Variants in PTPN11 observed in about 807,000 individuals in gnomAD.
PTPN11 encodes tyrosine-protein phosphatase non-receptor type 11.
Under a neutral mutation model 78.8 loss-of-function variants are expected in PTPN11, and 6 were observed. The observed-to-expected ratio is 0.08, with a 90% CI of 0.04 to 0.15. The LOEUF (loss-of-function observed/expected upper bound fraction) is 0.15. Ranked by LOEUF, PTPN11 falls within the 10% of genes least tolerant of loss-of-function variation. The pLI is 1.00. For missense variants in PTPN11, 386 were observed against 744.8 expected (o/e 0.52, Z 5.61); for synonymous variants, 221 against 263.5 (o/e 0.84, Z 1.56).
chr12:112,433,115 C>G (rs568933385), intron 1 of PTPN11, among the ~76,000 whole-genome samples: 2 of 152,292 alleles, frequency 1.3e-5, no homozygotes, highest in African/African-American at 4.8e-5. Flanking sequence ...CCTGCCTCAG[C>G]CTCCCAAAGT....
intron 2 of PTPN11, 99 bp from the exon 3 acceptor site, chr12:112,450,219 C>G (rs1051510206): frequency 1.0e-5 from 12 of 1,157,772 alleles, no homozygotes; most frequent in Non-Finnish European, 1.6e-5. Context: ...GGGTTTCTTT[C>G]AACACTTAGG....
intron 6 of PTPN11, among the ~76,000 whole-genome samples, chr12:112,466,237 A>G (rs1482883797): frequency 6.6e-6 from 1 of 152,248 alleles, no homozygotes; most frequent in Non-Finnish European, 1.5e-5. Flanking sequence ...GCATTTGAAC[A>G]AAGCTCTGAA....
rs397507510 is a variant in PTPN11 at position 112,450,361 on chromosome 12, G to A, written c.181G>A (p.Asp61Asn). 6.2e-7 allele frequency: 1 copy of A among 1,613,262 alleles called. No homozygotes were observed. The highest frequency in any genetic ancestry group is 8.5e-7 in the Non-Finnish European group (1 of 1,179,242). The change falls in exon 3 of 16, where the codon GAT becomes AAT. Residue 61 changes from aspartate (D) to asparagine (N), a missense_variant. By Grantham distance (23) the Asp-to-Asn change is conservative. This residue lies in a region of PTPN11 where 279 missense variants were observed against 503.3 expected (regional missense o/e 0.55). Coordinates refer to ENST00000351677, the MANE Select transcript of PTPN11 (RefSeq NM_002834.5). The stretch of plus-strand genomic sequence containing the variant: ...CCACATCAAGATTCAGAACACTGGT[G>A]ATTACTATGACCTGTATGGAGGGGA... Reference protein sequence around the residue: ...VTHIKIQNTGDYYDLYGGEKF... With the variant: ...VTHIKIQNTGNYYDLYGGEKF...
Position 112,506,118 on chromosome 12 carries a change from G to T in PTPN11, c.*326G>T, listed in dbSNP as rs1566194255. 1 of 152,038 alleles carries T rather than the reference G, an allele frequency of 6.6e-6. No individual in the cohort carries two copies. The highest frequency in any genetic ancestry group is 1.5e-5 in the Non-Finnish European group (1 of 67,998). 9.4% of individuals were successfully genotyped at this position (152,038 alleles called of 1,614,324 possible). A position where few individuals can be genotyped will look rare whatever the true frequency, so the allele number is the denominator to read the frequency against. On this transcript the variant is annotated 3_prime_UTR_variant, in exon 16 of 16. Transcript: ENST00000351677. ...GTGCGCTGTATTTTGCAGATTATGGGGATTCAAATTCTAGTAATAGGCTTT... is the reference window on the plus strand; with the variant it reads ...GTGCGCTGTATTTTGCAGATTATGGTGATTCAAATTCTAGTAATAGGCTTT...
intron 3 of PTPN11, among the ~76,000 whole-genome samples, chr12:112,451,086 GCTTGA>G (rs1191430815): frequency 6.6e-6 from 1 of 152,184 alleles, no homozygotes; most frequent in African/African-American, 2.4e-5. Flanking sequence ...GAAAGCATGG[GCTTGA>G]CTTATTTATT....
intron 9 of PTPN11, among the ~76,000 whole-genome samples, chr12:112,481,019 G>A (rs1031916168): frequency 2.0e-5 from 3 of 152,198 alleles, no homozygotes; most frequent in Admixed American, 6.5e-5. Flanking sequence ...GCCTGCTCTT[G>A]AAGCCAGCAG....
intron 1 of PTPN11, among the ~76,000 whole-genome samples, chr12:112,421,960 C>T (rs1328765377): frequency 2.6e-5 from 4 of 152,080 alleles, no homozygotes; most frequent in Non-Finnish European, 5.9e-5. Context: ...TTAATTCATT[C>T]AACAGGAAGT....
intron 1 of PTPN11, among the ~76,000 whole-genome samples, chr12:112,437,229 C>T (rs1326797527): frequency 6.6e-6 from 1 of 152,156 alleles, no homozygotes; most frequent in Non-Finnish European, 1.5e-5. Context: ...TGGCTCACTG[C>T]AGCCTCTGCC....
intron 1 of PTPN11, among the ~76,000 whole-genome samples, chr12:112,424,956 TTG>T (rs34463047): frequency 0.27 from 23,065 of 86,348 alleles, 2,216 homozygotes; most frequent in Non-Finnish European, 0.34. Flanking sequence ...GTCAGGCTAA[TTG>T]TGTGTGTGTG....
At chr12:112,449,815 C>T (rs1178809287) in intron 2 of PTPN11, among the ~76,000 whole-genome samples, 1 of 152,044 alleles carries the variant, frequency 6.6e-6, no homozygotes, top group Non-Finnish European at 1.5e-5. Flanking sequence ...CCTGTAATCT[C>T]AGCACTTTGG....
intron 2 of PTPN11, 33 bp downstream of exon 2, chr12:112,446,431 G>GT: frequency 6.2e-7 from 1 of 1,613,852 alleles, no homozygotes. Context: ...GATCCTGAGA[G>GT]TGTTTTCTAG....
chr12:112,468,221 G>A (rs2038360073), intron 6 of PTPN11, among the ~76,000 whole-genome samples: 2 of 152,198 alleles, frequency 1.3e-5, no homozygotes, highest in Admixed American at 6.5e-5. Context: ...GAGATGCGGT[G>A]ACATTCAGCT....
At chr12:112,443,183 TC>T (rs2037935375) in intron 1 of PTPN11, among the ~76,000 whole-genome samples, 1 of 151,896 alleles carries the variant, frequency 6.6e-6, no homozygotes. Flanking sequence ...TTTAGTAATA[TC>T]CTTATAGCAA....
chr12:112,509,876 G>A lies in PTPN11; in HGVS notation c.*4084G>A, dbSNP rs2038980607. ...AAAAGTGTATTTGTAAACTGTATGG[G>A]AACTAAAAATTAGGAATAAAACCAT... On this transcript the variant is annotated 3_prime_UTR_variant, in exon 16 of 16. Transcript: ENST00000351677. 1 of 152,314 alleles carries A rather than the reference G, an allele frequency of 6.6e-6. No homozygotes were observed. Among genetic ancestry groups the A allele is most frequent in the Admixed American group, 6.5e-5 (1 of 15,272 alleles). 9.4% of individuals were successfully genotyped at this position (152,314 alleles called of 1,614,324 possible). A position where few individuals can be genotyped will look rare whatever the true frequency, so the allele number is the denominator to read the frequency against.
rs121918457 is a variant in PTPN11 at position 112,488,466 on chromosome 12, C to T, written c.1403C>T (p.Thr468Met). ...HCSAGIGRTGTFIVIDILIDI... is the reference protein window; with the variant it reads ...HCSAGIGRTGMFIVIDILIDI... ...AGTGCTGGAATTGGCCGGACAGGGA[C>T]GTTCATTGTGATTGATATTCTTATT... Residue 468 changes from threonine to methionine, a missense_variant, in exon 12 of 16, where the codon ACG becomes ATG. Physicochemically the swap from Thr to Met is moderately conservative, Grantham distance 81. Coordinates refer to ENST00000351677, the MANE Select transcript of PTPN11 (RefSeq NM_002834.5). 8 of 1,612,796 alleles carry T rather than the reference C, an allele frequency of 5.0e-6. No individual in the cohort carries two copies. Among genetic ancestry groups the T allele is most frequent in the Non-Finnish European group, 5.9e-6 (7 of 1,179,006 alleles).
At chr12:112,458,242 C>T (rs2038193553) in intron 6 of PTPN11, among the ~76,000 whole-genome samples, 1 of 152,168 alleles carries the variant, frequency 6.6e-6, no homozygotes, top group Admixed American at 6.5e-5. Flanking sequence ...GACAGAGTCT[C>T]ACTTTGCTGC....
intron 1 of PTPN11, among the ~76,000 whole-genome samples, chr12:112,444,693 G>C (rs1010250794): frequency 6.6e-6 from 1 of 152,122 alleles, no homozygotes; most frequent in African/African-American, 2.4e-5. Flanking sequence ...GAAACTAAGA[G>C]AATGAACTAT....
In PTPN11 at chr12:112,482,460, C is replaced by T. The variant is rs1261899884; in HGVS notation, c.1224+255C>T. On this transcript the variant is annotated intron_variant, in intron 10 of 15. Transcript: ENST00000351677. The surrounding 1 kb of genome is among the most constrained non-coding windows in gnomAD (Gnocchi z 4.4). ...ATTTAAAAACAAATAACTGGCCAGG[C>T]GCCGTGGCTCAGGCCTGTAATCCCA... is the stretch of plus-strand genomic sequence containing the variant. Among the ~76,000 whole-genome samples, 6 of 152,112 alleles carry T rather than the reference C, an allele frequency of 3.9e-5. No homozygotes were observed. Among genetic ancestry groups the T allele is most frequent in the East Asian group, 1.9e-4 (1 of 5,186 alleles).
intron 1 of PTPN11, among the ~76,000 whole-genome samples, chr12:112,419,696 C>G (rs964929751): frequency 6.6e-6 from 1 of 152,208 alleles, no homozygotes; most frequent in African/African-American, 2.4e-5. Context: ...CTGACTGTAT[C>G]TGCAGCCACT....
Sources: allele counts gnomAD v4.1 joint callset (sites outside exome capture counted in the v4.1 genomes callset), GRCh38; gene constraint gnomAD v4.1.1; regional missense constraint gnomAD v4.1.1; non-coding constraint Gnocchi (gnomAD v3.1); transcripts MANE v1.5; gene names NCBI Gene and HGNC (gene_info 2026-07-23, HGNC 2026-07-21).